MTNR1B: variants seen among roughly 807,000 people sequenced by gnomAD.
MTNR1B encodes the protein melatonin receptor type 1B.
MTNR1B carries 7 observed loss-of-function variants against 7.0 expected under a neutral mutation model. The ratio of observed to expected loss-of-function variants is 1.00; its 90% CI spans 0.57 to 1.88. The LOEUF (loss-of-function observed/expected upper bound fraction) is 1.88. MTNR1B is among the 40% of genes most tolerant of loss of function. The pLI, the probability that MTNR1B is intolerant of heterozygous loss-of-function variation, is 0.00. For synonymous variants in MTNR1B, 226 were observed against 208.2 expected (o/e 1.09, Z -0.74); for missense variants, 478 against 486.5 (o/e 0.98, Z 0.16).
At chr11:92,970,132 G>A (rs536561354) in intron 1 of MTNR1B, among the ~76,000 whole-genome samples, 184 bp downstream of exon 1, 1 of 152,170 alleles carries the variant, frequency 6.6e-6, no homozygotes, top group Non-Finnish European at 1.5e-5. Context: ...TTGCCCCTCC[G>A]AAGTGCGGCT....
chr11:92,970,080 A>C, intron 1 of MTNR1B, 132 bp downstream of exon 1: 1 of 1,233,002 alleles, frequency 8.1e-7, no homozygotes, highest in Admixed American at 3.6e-5. Flanking sequence ...ACTCTAACCT[A>C]TTCCTTAAGT....
rs1216050585 is a variant in MTNR1B at position 92,969,910 on chromosome 11, T to C, written c.185T>C (p.Ile62Thr). 1.9e-6 allele frequency: 3 copies of C among 1,612,088 alleles called. No homozygotes were observed. The South Asian group carries it at 3.3e-5, about 18-fold the overall frequency. ...GACGTCGTGGGCAACCTCCTGGTGA[T>C]CCTCTCCGTGCTCAGGAACCGCAAG... ...AVDVVGNLLVILSVLRNRKLR... is the reference protein window; with the variant it reads ...AVDVVGNLLVTLSVLRNRKLR... Residue 62 changes from isoleucine to threonine, a missense_variant, in exon 1 of 2, where the codon ATC becomes ACC. Ile to Thr is a moderately conservative substitution (Grantham distance 89). Coordinates refer to ENST00000257068, the MANE Select transcript of MTNR1B (RefSeq NM_005959.5).
intron 1 of MTNR1B, among the ~76,000 whole-genome samples, chr11:92,971,864 T>G (rs1857929177): frequency 6.6e-6 from 1 of 152,184 alleles, no homozygotes; most frequent in Non-Finnish European, 1.5e-5. Flanking sequence ...GTTAAATTGC[T>G]GGCATATCCT....
In MTNR1B at chr11:92,982,720, A is replaced by G; in HGVS notation, c.*408A>G. ...CTTCCTGTTAGCAAGGATGAAAGAG[A>G]GAGGTCAGTAGGACTGGAACTTGGT... On this transcript the variant is annotated 3_prime_UTR_variant, in exon 2 of 2. Transcript: ENST00000257068. 4.7e-6 allele frequency: 1 copy of G among 214,416 alleles called. No individual in the cohort carries two copies. 13.3% of individuals were successfully genotyped at this position (214,416 alleles called of 1,614,324 possible).
chr11:92,969,695 G>A lies in MTNR1B; in HGVS notation c.-31G>A. 1 of 1,409,674 alleles carries A rather than the reference G, an allele frequency of 7.1e-7. No homozygotes were observed. The highest frequency in any genetic ancestry group is 9.2e-7 in the Non-Finnish European group (1 of 1,082,160). 87.3% of individuals were successfully genotyped at this position (1,409,674 alleles called of 1,614,324 possible). A position where few individuals can be genotyped will look rare whatever the true frequency, so the allele number is the denominator to read the frequency against. ...CCCTGCGGCTGTCCGGGGCCGCGCG[G>A]TGGCCAAAGCACAGCGCGGGAGAGT... On this transcript the variant is annotated 5_prime_UTR_variant, in exon 1 of 2. The change creates a new upstream start codon in the 5' untranslated region. Coordinates refer to ENST00000257068, the MANE Select transcript of MTNR1B (RefSeq NM_005959.5).
downstream of MTNR1B, chr11:92,984,777 A>C (rs79468200): frequency 2.3e-6 from 1 of 428,446 alleles, no homozygotes. Flanking sequence ...CTGACAATCC[A>C]CTAATTGGAA....
In MTNR1B at chr11:92,969,676, G is replaced by A. The variant is rs1857887799; in HGVS notation, c.-50G>A. The A allele has an allele frequency of 2.9e-6, 4 of 1,382,768 alleles. No individual in the cohort carries two copies. Among genetic ancestry groups the A allele is most frequent in the Non-Finnish European group, 3.7e-6 (4 of 1,068,802 alleles). The allele number at this position is 1,382,768 out of a possible 1,614,324, so 85.7% of individuals were successfully genotyped here. ...CGGCTCAGTACTGCGCGCGCCCTGCGGCTGTCCGGGGCCGCGCGGTGGCCA... is the reference window on the plus strand; with the variant it reads ...CGGCTCAGTACTGCGCGCGCCCTGCAGCTGTCCGGGGCCGCGCGGTGGCCA... On this transcript the variant is annotated 5_prime_UTR_variant, in exon 1 of 2. Transcript: ENST00000257068.
intron 1 of MTNR1B, among the ~76,000 whole-genome samples, chr11:92,972,990 T>C (rs1174869759): frequency 1.3e-5 from 2 of 152,264 alleles, no homozygotes; most frequent in East Asian, 3.9e-4. Flanking sequence ...CATCTACTGG[T>C]TCTACCCCAT....
intron 1 of MTNR1B, among the ~76,000 whole-genome samples, chr11:92,971,588 C>A (rs1005471959): frequency 6.6e-6 from 1 of 152,136 alleles, no homozygotes; most frequent in Non-Finnish European, 1.5e-5. Flanking sequence ...AATGGGTCCT[C>A]CTGGTTCTGA....
rs570971702 is a variant in MTNR1B, at chr11:92,970,083, C to G, written c.223+135C>G. On this transcript the variant is annotated intron_variant, in intron 1 of 1. Transcript: ENST00000257068. ...CCCTTTCCCTTCACTCTAACCTATT[C>G]CTTAAGTTTGACTCTGCACTCAAAA... The G allele has an allele frequency of 1.1e-5, 14 of 1,229,862 alleles. No individual in the cohort carries two copies. The South Asian group carries it at 3.2e-4, about 28-fold the overall frequency. The allele number at this position is 1,229,862 out of a possible 1,614,324, so 76.2% of individuals were successfully genotyped here.
At chr11:92,970,986 C>T (rs1471861444) in intron 1 of MTNR1B, among the ~76,000 whole-genome samples, 6 of 151,060 alleles carry the variant, frequency 4.0e-5, no homozygotes, top group Admixed American at 6.6e-5. Flanking sequence ...GAGATGGAGT[C>T]TCTCACTCTG....
chr11:92,975,878 C>T (rs1372626741), intron 1 of MTNR1B, among the ~76,000 whole-genome samples: 1 of 152,204 alleles, frequency 6.6e-6, no homozygotes, highest in Non-Finnish European at 1.5e-5. Context: ...TGTCTTTTGA[C>T]TTGCTCAGCC....
In MTNR1B at chr11:92,982,444, A is replaced by G; in HGVS notation, c.*132A>G. On this transcript the variant is annotated 3_prime_UTR_variant, in exon 2 of 2. Transcript: ENST00000257068. The stretch of plus-strand genomic sequence containing the variant: ...GCATCACAGCCCCAAGGCTGGGGGA[A>G]CTTCATGCTGGGACAAGCAGCCCAT... The G allele has an allele frequency of 8.7e-6, 10 of 1,142,916 alleles. No individual in the cohort carries two copies. The highest frequency in any genetic ancestry group is 1.2e-5 in the Non-Finnish European group (10 of 828,432). The allele number at this position is 1,142,916 out of a possible 1,614,324, so 70.8% of individuals were successfully genotyped here. A position where few individuals can be genotyped will look rare whatever the true frequency, so the allele number is the denominator to read the frequency against.
At chr11:92,980,931 C>T (rs1446396552) in intron 1 of MTNR1B, among the ~76,000 whole-genome samples, 4 of 152,176 alleles carry the variant, frequency 2.6e-5, no homozygotes, top group African/African-American at 9.7e-5. Context: ...TGTAAAGACA[C>T]TTAGAAAGTA....
chr11:92,980,550 C>T (rs564124641), intron 1 of MTNR1B, among the ~76,000 whole-genome samples: 3 of 152,316 alleles, frequency 2.0e-5, no homozygotes, highest in African/African-American at 7.2e-5. Context: ...CAGCTTAGAA[C>T]ATGCCTGAAG....
At position 92,969,861 on chromosome 11, in the gene MTNR1B, G is replaced by GTGCT. The variant is rs1167684584; in HGVS notation, c.137_140dup (p.Ile48AlafsTer30). ...CTGGGTGGCTCCAGCGCTGTCCGCG[G>GTGCT]TGCTCATCGTCACCACCGCCGTGGA... On this transcript the variant is annotated frameshift_variant, in exon 1 of 2. Transcript: ENST00000257068. LOFTEE classifies it high-confidence loss of function. The GTGCT allele has an allele frequency of 6.2e-7, 1 of 1,611,266 alleles. No individual in the cohort carries two copies. The highest frequency in any genetic ancestry group is 8.5e-7 in the Non-Finnish European group (1 of 1,179,424).
downstream of MTNR1B, among the ~76,000 whole-genome samples, chr11:92,982,936 A>ACCCCCCCCCCCC (rs71473980): frequency 4.1e-5 from 2 of 49,170 alleles, no homozygotes; most frequent in Admixed American, 2.6e-4. Flanking sequence ...AACACACTGC[A>ACCCCCCCCCCCC]CCCCCCCCCC....
intron 1 of MTNR1B, chr11:92,972,401 T>C: frequency 2.2e-6 from 1 of 456,238 alleles, no homozygotes; most frequent in Non-Finnish European, 4.4e-6. Flanking sequence ...GTATCATTCC[T>C]AACAGTGCCG....
At chr11:92,978,832 G>A (rs1013657755) in intron 1 of MTNR1B, among the ~76,000 whole-genome samples, 1 of 152,106 alleles carries the variant, frequency 6.6e-6, no homozygotes, top group African/African-American at 2.4e-5. Context: ...CATTATTAGG[G>A]GATAAGCCAC....
Sources: gnomAD v4.1 joint callset for allele counts (sites outside exome capture counted in the v4.1 genomes callset) on GRCh38, gnomAD v4.1.1 for gene constraint, MANE v1.5 for transcripts, NCBI Gene and HGNC (gene_info 2026-07-23, HGNC 2026-07-21) for gene names.